The following CACNA2D4 variants were observed in gnomAD, a reference collection of about 807,000 sequenced individuals.
CACNA2D4 encodes voltage-dependent calcium channel subunit alpha-2/delta-4.
Under a neutral mutation model 163.8 loss-of-function variants are expected in CACNA2D4, and 157 were observed. That is an observed-to-expected ratio of 0.96 (90% CI 0.84 to 1.09). The LOEUF (loss-of-function observed/expected upper bound fraction) is 1.09. Among genes scored for constraint, CACNA2D4 ranks in the 50% least tolerant of loss-of-function variants. CACNA2D4 has a pLI of 0.00. For missense variants in CACNA2D4, 1,410 were observed against 1,479.9 expected (o/e 0.95, Z 0.78); for synonymous variants, 598 against 586.9 (o/e 1.02, Z -0.27).
intron 31 of CACNA2D4, 119 bp from the exon 32 acceptor site, chr12:1,800,557 A>AGGGGCAGCAGAGCAC (rs1396888130): frequency 1.0e-5 from 10 of 986,586 alleles, no homozygotes; most frequent in Non-Finnish European, 1.6e-5. Flanking sequence ...CACTGGGAGC[A>AGGGGCAGCAGAGCAC]GGGGCAGCAG....
intron 23 of CACNA2D4, among the ~76,000 whole-genome samples, chr12:1,853,416 G>A (rs1239477065): frequency 1.3e-5 from 2 of 152,028 alleles, no homozygotes; most frequent in African/African-American, 4.8e-5. Flanking sequence ...TGTAGAGGAG[G>A]TTTGACATCT....
At chr12:1,867,767 C>A (rs1207509095) in intron 18 of CACNA2D4, among the ~76,000 whole-genome samples, 2 of 151,700 alleles carry the variant, frequency 1.3e-5, no homozygotes, top group Non-Finnish European at 2.9e-5. Context: ...CAAAAAACAA[C>A]ACCACCACCC....
intron 29 of CACNA2D4, chr12:1,809,536 T>C (rs1331204824): frequency 1.4e-6 from 1 of 702,882 alleles, no homozygotes; most frequent in Non-Finnish European, 2.6e-6. Flanking sequence ...GCTTCAGGTT[T>C]GAATGGGCTT....
At chr12:1,889,893 AAAG>A (rs1866236429) in intron 6 of CACNA2D4, among the ~76,000 whole-genome samples, 1 of 152,224 alleles carries the variant, frequency 6.6e-6, no homozygotes, top group Non-Finnish European at 1.5e-5. Context: ...CCTCCTCCAC[AAAG>A]AAGGACAAAA....
In CACNA2D4 at chr12:1,913,984, C is replaced by T. The variant is rs370351829; in HGVS notation, c.310-845G>A. On this transcript the variant is annotated intron_variant, in intron 2 of 37. Transcript: ENST00000382722. Reference sequence around the variant, plus strand: ...GCTGTGGTGCTCTGAAGCATAGGAGCGTGCTGTGAGGGGCAGGCGGGGCCT... The same window carrying T: ...GCTGTGGTGCTCTGAAGCATAGGAGTGTGCTGTGAGGGGCAGGCGGGGCCT... Among the ~76,000 whole-genome samples the T allele has an allele frequency of 2.0e-4, 31 of 152,348 alleles. 1 individual carries two copies. The South Asian group carries it at 5.2e-3, about 25-fold the overall frequency.
chr12:1,794,986 T>G, intron 37 of CACNA2D4: 85 of 459,406 alleles, frequency 1.9e-4, no homozygotes, highest in South Asian at 8.9e-4. Flanking sequence ...ATTCCAAGGG[T>G]CTTAGAGGCA....
Position 1,883,981 on chromosome 12 carries a change from T to C in CACNA2D4, c.1351+262A>G. The C allele has an allele frequency of 2.1e-6, 1 of 486,586 alleles. No homozygotes were observed. The highest frequency in any genetic ancestry group is 1.9e-5 in the African/African-American group (1 of 52,570). 30.1% of individuals were successfully genotyped at this position (486,586 alleles called of 1,614,324 possible). A position where few individuals can be genotyped will look rare whatever the true frequency, so the allele number is the denominator to read the frequency against. On this transcript the variant is annotated intron_variant, in intron 12 of 37. Transcript: ENST00000382722. The surrounding 1 kb of genome is among the most constrained non-coding windows in gnomAD (Gnocchi z 4.5). Reference sequence around the variant, plus strand: ...TATTCCAGAGAAAACAGTGACCCTCTGCTTTTTGTCTGGGAGCAGAACCAG... The same window carrying C: ...TATTCCAGAGAAAACAGTGACCCTCCGCTTTTTGTCTGGGAGCAGAACCAG...
rs931878385 is a variant in CACNA2D4 at position 1,830,034 on chromosome 12, G to A, written c.2551+10705C>T. Among the ~76,000 whole-genome samples, 3 of 152,208 alleles carry A rather than the reference G, an allele frequency of 2.0e-5. No homozygotes were observed. The East Asian group carries it at 5.8e-4, about 29-fold the overall frequency. ...GCCCTACAGACAGGACCCCATGCTC[G>A]CTACGCAGAAGGGTCTTGGGCAAAA... On this transcript the variant is annotated intron_variant, in intron 26 of 37. Coordinates refer to ENST00000382722, the MANE Select transcript of CACNA2D4 (RefSeq NM_172364.5).
intron 22 of CACNA2D4, among the ~76,000 whole-genome samples, chr12:1,855,086 G>A (rs1437275731): frequency 1.3e-5 from 2 of 152,072 alleles, no homozygotes; most frequent in Non-Finnish European, 2.9e-5. Context: ...CTCCCCTACA[G>A]CATCCTGTTC....
rs892493584 is a variant in CACNA2D4 at position 1,799,409 on chromosome 12, C to T, written c.2995+266G>A. On this transcript the variant is annotated intron_variant, in intron 34 of 37. Coordinates refer to ENST00000382722, the MANE Select transcript of CACNA2D4 (RefSeq NM_172364.5). The surrounding 1 kb of genome is among the most constrained non-coding windows in gnomAD (Gnocchi z 4.7). ...GCTCATGGCCACCCGGCCACACCAC[C>T]GGCTTCCTCTTGGAATCTTACGTGT... 6.6e-5 allele frequency among the ~76,000 whole-genome samples: 10 copies of T among 152,204 alleles called. No individual in the cohort carries two copies. Among genetic ancestry groups the T allele is most frequent in the African/African-American group, 1.7e-4 (7 of 41,452 alleles).
At chr12:1,916,881 G>A (rs1027395688) in intron 1 of CACNA2D4, among the ~76,000 whole-genome samples, 1 of 152,190 alleles carries the variant, frequency 6.6e-6, no homozygotes, top group Non-Finnish European at 1.5e-5. Flanking sequence ...GAGGCTGTGT[G>A]CAGGCTGTTG....
At position 1,918,188 on chromosome 12, in the gene CACNA2D4, G is replaced by A. The variant is rs150277335; in HGVS notation, c.227+59C>T. The A allele has an allele frequency of 1.4e-4, 183 of 1,321,344 alleles. No homozygotes were observed. In the African/African-American group the frequency reaches 1.7e-3, roughly 13 times the overall value. 81.9% of individuals were successfully genotyped at this position (1,321,344 alleles called of 1,614,324 possible). ...TGGGCAGAGGATGGAGGCCCAGCCC[G>A]GGAAGAAAGTGGGAAAGGGTGACCG... On this transcript the variant is annotated intron_variant, in intron 1 of 37. Transcript: ENST00000382722.
At chr12:1,867,786 C>A (rs1362722622) in intron 18 of CACNA2D4, among the ~76,000 whole-genome samples, 2 of 152,098 alleles carry the variant, frequency 1.3e-5, no homozygotes, top group East Asian at 3.8e-4. Context: ...CCCACACATC[C>A]AAATAATCTG....
At chr12:1,858,540 C>T (rs369654437) in intron 20 of CACNA2D4, 37 bp downstream of exon 20, 2 of 1,596,498 alleles carry the variant, frequency 1.3e-6, no homozygotes, top group Admixed American at 3.3e-5. Context: ...CCATTATTTT[C>T]TGCTTAACTG....
intron 18 of CACNA2D4, among the ~76,000 whole-genome samples, chr12:1,864,402 A>T (rs1865595237): frequency 6.6e-6 from 1 of 152,232 alleles, no homozygotes; most frequent in South Asian, 2.1e-4. Context: ...CAGTTAGCAA[A>T]ATTAACACCG....
chr12:1,803,801 A>G (rs1863419526), intron 29 of CACNA2D4, among the ~76,000 whole-genome samples: 1 of 152,188 alleles, frequency 6.6e-6, no homozygotes, highest in South Asian at 2.1e-4. Flanking sequence ...GACACGAATC[A>G]AGAGCTTCAG....
chr12:1,841,997 G>A (rs1016000309), intron 25 of CACNA2D4, among the ~76,000 whole-genome samples: 13 of 152,188 alleles, frequency 8.5e-5, no homozygotes, highest in African/African-American at 2.4e-4. Context: ...TGATGTGGCA[G>A]CCCCGACAAT....
Position 1,795,723 on chromosome 12 carries a change from G to A in CACNA2D4, c.3171C>T (p.Pro1057=), listed in dbSNP as rs1225550024. 1 of 1,613,738 alleles carries A rather than the reference G, an allele frequency of 6.2e-7. No individual in the cohort carries two copies. The highest frequency in any genetic ancestry group is 8.5e-7 in the Non-Finnish European group (1 of 1,179,720). Residue 1057 remains proline, a synonymous_variant, in exon 36 of 38, where the codon CCC becomes CCT. Coordinates refer to ENST00000382722, the MANE Select transcript of CACNA2D4 (RefSeq NM_172364.5). ...GTGGGAAGATGCTGCAGTCACAGGT[G>A]GGGTCTGTCACCAGGAGGAGGAGGT... ...NSNLLLLVTD[P]TCDCSIFPPV...
chr12:1,909,730 C>T (rs1476047083), intron 4 of CACNA2D4, among the ~76,000 whole-genome samples, 176 bp downstream of exon 4: 1 of 152,236 alleles, frequency 6.6e-6, no homozygotes, highest in Non-Finnish European at 1.5e-5. Context: ...TTCTTGAGGT[C>T]AAGAACAAGT....
Sources: allele counts gnomAD v4.1 joint callset (sites outside exome capture counted in the v4.1 genomes callset), GRCh38; gene constraint gnomAD v4.1.1; non-coding constraint Gnocchi (gnomAD v3.1); transcripts MANE v1.5; gene names NCBI Gene and HGNC (gene_info 2026-07-23, HGNC 2026-07-21).